Variants in SAPCD2 observed in about 807,000 individuals in gnomAD.
SAPCD2 encodes the protein suppressor APC domain-containing protein 2.
Under a neutral mutation model 37.8 loss-of-function variants are expected in SAPCD2, and 34 were observed. The ratio of observed to expected loss-of-function variants is 0.90; its 90% CI spans 0.68 to 1.20. The LOEUF is 1.20. SAPCD2 is among the 50% of genes most tolerant of loss of function. The pLI, the probability that SAPCD2 is intolerant of heterozygous loss-of-function variation, is 0.00. For synonymous variants in SAPCD2, 275 were observed against 270.3 expected (o/e 1.02, Z -0.17); for missense variants, 572 against 584.7 (o/e 0.98, Z 0.22).
intron 1 of SAPCD2, among the ~76,000 whole-genome samples, 181 bp from the exon 2 acceptor site, chr9:137,066,555 C>T (rs1302092307): frequency 2.0e-5 from 3 of 152,212 alleles, no homozygotes; most frequent in African/African-American, 7.2e-5. Flanking sequence ...CAGCTCCTCA[C>T]ACTGGCTTGG....
chr9:137,064,271 T>G lies in SAPCD2; in HGVS notation c.*388A>C. On this transcript the variant is annotated 3_prime_UTR_variant, in exon 6 of 6. Transcript: ENST00000409687. ...GCCCCGCGCCCTCTGCTGCCCGTTG[T>G]TGGAAGTGCAGCCTGGCGTGGGCAG... The G allele has an allele frequency of 3.9e-6, 1 of 257,070 alleles. No individual in the cohort carries two copies. The highest frequency in any genetic ancestry group is 7.7e-6 in the Non-Finnish European group (1 of 129,934). 15.9% of individuals were successfully genotyped at this position (257,070 alleles called of 1,614,324 possible). A position where few individuals can be genotyped will look rare whatever the true frequency, so the allele number is the denominator to read the frequency against.
Position 137,065,149 on chromosome 9 carries a change from G to C in SAPCD2, c.868C>G (p.Arg290Gly). The C allele has an allele frequency of 6.6e-7, 1 of 1,512,620 alleles. No individual in the cohort carries two copies. Among genetic ancestry groups the C allele is most frequent in the South Asian group, 1.3e-5 (1 of 78,526 alleles). 93.7% of individuals were successfully genotyped at this position (1,512,620 alleles called of 1,614,324 possible). Residue 290 changes from arginine (R) to glycine (G), a missense_variant, in exon 4 of 6, where the codon CGG (arginine) becomes GGG (glycine). By Grantham distance (125) the Arg-to-Gly change is moderately radical (BLOSUM62 -2). Transcript: ENST00000409687. ...ACCTCTTGTACCTTGGGCAGTAGCC[G>C]CCCCAGTGGGCGGGGGCTCCCTGCA... ...GAAGSPRPLG[R>G]LLPKVQEVAR...
chr9:137,067,119 C>T (rs1832556541), intron 1 of SAPCD2, among the ~76,000 whole-genome samples: 1 of 152,148 alleles, frequency 6.6e-6, no homozygotes, highest in South Asian at 2.1e-4. Flanking sequence ...TCCCGAGTAG[C>T]TGGGATTACA....
rs767121219 is a variant in SAPCD2 at position 137,065,150 on chromosome 9, C to A, written c.867G>T (p.Gly289=). The change falls in exon 4 of 6, where the codon GGG becomes GGT. Residue 289 remains glycine, a synonymous_variant. Transcript: ENST00000409687. ...FGAAGSPRPL[G]RLLPKVQEVA... is the part of the protein sequence containing the mutation. The stretch of plus-strand genomic sequence containing the variant: ...CCTCTTGTACCTTGGGCAGTAGCCG[C>A]CCCAGTGGGCGGGGGCTCCCTGCAG... The A allele has an allele frequency of 8.6e-6, 13 of 1,513,092 alleles. No homozygotes were observed. In the Admixed American group the frequency reaches 2.9e-4, roughly 33 times the overall value. 93.7% of individuals were successfully genotyped at this position (1,513,092 alleles called of 1,614,324 possible). A position where few individuals can be genotyped will look rare whatever the true frequency, so the allele number is the denominator to read the frequency against.
Position 137,064,193 on chromosome 9 carries a change from C to A in SAPCD2, c.*466G>T, listed in dbSNP as rs34755670. The stretch of plus-strand genomic sequence containing the variant: ...CCGTCCGTCCGAGCTACAGCCACCT[C>A]GTCCTGGTGCCCTGGTTGAGCGGGA... On this transcript the variant is annotated 3_prime_UTR_variant, in exon 6 of 6. Coordinates refer to ENST00000409687, the MANE Select transcript of SAPCD2 (RefSeq NM_178448.4). 11,415 of 212,194 alleles carry A rather than the reference C, an allele frequency of 0.054. 397 individuals carry two copies. The highest frequency in any genetic ancestry group is 0.082 in the Middle Eastern group (43 of 522). The allele number at this position is 212,194 out of a possible 1,614,324, so 13.1% of individuals were successfully genotyped here.
intron 5 of SAPCD2, 22 bp from the exon 6 acceptor site, chr9:137,064,809 C>T (rs568637335): frequency 6.3e-7 from 1 of 1,588,686 alleles, no homozygotes; most frequent in South Asian, 1.1e-5. Context: ...CACAGTTGGT[C>T]AAGGCCTGCG....
intron 1 of SAPCD2, 35 bp from the exon 2 acceptor site, chr9:137,066,409 A>G (rs776655806): frequency 3.3e-6 from 5 of 1,494,342 alleles, no homozygotes; most frequent in Non-Finnish European, 4.5e-6. Context: ...GCTCACCTCC[A>G]GACCTGCCTG....
intron 2 of SAPCD2, among the ~76,000 whole-genome samples, 160 bp downstream of exon 2, chr9:137,066,102 A>C (rs1421234644): frequency 6.6e-6 from 1 of 152,212 alleles, no homozygotes; most frequent in Non-Finnish European, 1.5e-5. Context: ...ACCCTGGGCC[A>C]TCCCTCCAGG....
In SAPCD2 at chr9:137,064,163, T is replaced by C; in HGVS notation, c.*496A>G. 1 of 189,028 alleles carries C rather than the reference T, an allele frequency of 5.3e-6. No homozygotes were observed. Among genetic ancestry groups the C allele is most frequent in the East Asian group, 1.7e-4 (1 of 5,810 alleles). The allele number at this position is 189,028 out of a possible 1,614,324, so 11.7% of individuals were successfully genotyped here. On this transcript the variant is annotated 3_prime_UTR_variant, in exon 6 of 6. Transcript: ENST00000409687. The stretch of plus-strand genomic sequence containing the variant: ...ACAGGCCGTCCCCACCCCCTCCATC[T>C]ACTTCCGTCCGTCCGAGCTACAGCC...
At position 137,070,369 on chromosome 9, in the gene SAPCD2, C is replaced by T. The variant is rs930119198; in HGVS notation, c.92G>A (p.Ser31Asn). The part of the protein sequence containing the change: ...TEGLPRAFLQ[S>N]LRTLFDILDD... ...CAGGATGTCGAACAGGGTGCGCAGG[C>T]TCTGCAGGAAGGCGCGCGGCAGCCC... Residue 31 changes from serine (S) to asparagine (N), a missense_variant, in exon 1 of 6, where the codon AGC (serine) becomes AAC (asparagine). By Grantham distance (46) the Ser-to-Asn change is conservative. Coordinates refer to ENST00000409687, the MANE Select transcript of SAPCD2 (RefSeq NM_178448.4). The T allele has an allele frequency of 2.1e-6, 3 of 1,433,932 alleles. No individual in the cohort carries two copies. The highest frequency in any genetic ancestry group is 2.7e-5 in the South Asian group (2 of 72,986). 88.8% of individuals were successfully genotyped at this position (1,433,932 alleles called of 1,614,324 possible). A position where few individuals can be genotyped will look rare whatever the true frequency, so the allele number is the denominator to read the frequency against.
intron 1 of SAPCD2, among the ~76,000 whole-genome samples, chr9:137,067,755 A>G (rs1035769096): frequency 1.3e-4 from 17 of 126,548 alleles, no homozygotes; most frequent in East Asian, 1.3e-3. Context: ...AGCCTGGGCG[A>G]CAGAGCAAGA....
chr9:137,066,274 C>T lies in SAPCD2; in HGVS notation c.672G>A (p.Val224=). 6.2e-7 allele frequency: 1 copy of T among 1,604,778 alleles called. No individual in the cohort carries two copies. The highest frequency in any genetic ancestry group is 8.5e-7 in the Non-Finnish European group (1 of 1,177,380). The change falls in exon 2 of 6, where the codon GTG becomes GTA. Residue 224 remains valine (V), a synonymous_variant. Coordinates refer to ENST00000409687, the MANE Select transcript of SAPCD2 (RefSeq NM_178448.4). ...ERRRHTIASG[V]DCGLLKQMKE... ...AGTCCCTGCTCACCAGGCCGCAGTCCACGCCGCTGGCGATGGTGTGCCTCC... is the reference window on the plus strand; with the variant it reads ...AGTCCCTGCTCACCAGGCCGCAGTCTACGCCGCTGGCGATGGTGTGCCTCC...
rs1832548319 is a variant in SAPCD2 at position 137,066,476 on chromosome 9, G to A, written c.572-102C>T. 18 of 875,258 alleles carry A rather than the reference G, an allele frequency of 2.1e-5. No homozygotes were observed. The South Asian group carries it at 2.3e-4, about 11-fold the overall frequency. The allele number at this position is 875,258 out of a possible 1,614,324, so 54.2% of individuals were successfully genotyped here. On this transcript the variant is annotated intron_variant, in intron 1 of 5. Transcript: ENST00000409687. ...CATCTCAGCCCACCCTCGAGGTCTC[G>A]GGCACCAGCCTGGCATGGCCCACGT...
intron 3 of SAPCD2, 71 bp from the exon 4 acceptor site, chr9:137,065,256 G>A (rs1329005769): frequency 8.9e-6 from 10 of 1,120,036 alleles, no homozygotes; most frequent in Non-Finnish European, 1.1e-5. Context: ...CCTTGATAGG[G>A]GTTCCCACAG....
Position 137,064,624 on chromosome 9 carries a change from A to G in SAPCD2, c.*35T>C. 2 of 1,577,714 alleles carry G rather than the reference A, an allele frequency of 1.3e-6. No individual in the cohort carries two copies. The highest frequency in any genetic ancestry group is 1.2e-5 in the South Asian group (1 of 86,452). ...GCCCACCCTCGAAGGGCTGAGTGCC[A>G]GGCTGGCCCTGGGGGCCCACGCGGC... On this transcript the variant is annotated 3_prime_UTR_variant, in exon 6 of 6. Transcript: ENST00000409687.
rs1832480768 is a variant in SAPCD2 at position 137,062,888 on chromosome 9, C to G, written c.*1771G>C. 1 of 152,262 alleles carries G rather than the reference C, an allele frequency of 6.6e-6. No individual in the cohort carries two copies. The highest frequency in any genetic ancestry group is 2.4e-5 in the African/African-American group (1 of 41,472). 9.4% of individuals were successfully genotyped at this position (152,262 alleles called of 1,614,324 possible). Reference sequence around the variant, plus strand: ...GCCAGCCTGTCTCACATTTCCGCTTCAGCTGCGGGGTCCAGCTCTATGTGG... The same window carrying G: ...GCCAGCCTGTCTCACATTTCCGCTTGAGCTGCGGGGTCCAGCTCTATGTGG... On this transcript the variant is annotated 3_prime_UTR_variant, in exon 6 of 6. Transcript: ENST00000409687.
At chr9:137,065,287 T>C (rs1209765187) in intron 3 of SAPCD2, 102 bp from the exon 4 acceptor site, 1 of 967,584 alleles carries the variant, frequency 1.0e-6, no homozygotes, top group Non-Finnish European at 1.5e-6. Context: ...TGCCTCCTGA[T>C]GCTGCAGAGA....
Position 137,070,271 on chromosome 9 carries a change from G to A in SAPCD2, c.190C>T (p.Leu64=). The A allele has an allele frequency of 2.7e-6, 4 of 1,455,220 alleles. No homozygotes were observed. The highest frequency in any genetic ancestry group is 1.3e-5 in the South Asian group (1 of 76,484). The allele number at this position is 1,455,220 out of a possible 1,614,324, so 90.1% of individuals were successfully genotyped here. A position where few individuals can be genotyped will look rare whatever the true frequency, so the allele number is the denominator to read the frequency against. The stretch of plus-strand genomic sequence containing the variant: ...AAGCCCTCCAGCACCCCGCGGGGCA[G>A]CTCCCGCGCGTCGGTGCCCTGCCAG... ...SRWQGTDARE[L]PRGVLEGLRQ... The change falls in exon 1 of 6, where the codon CTG becomes TTG. Residue 64 remains leucine, a synonymous_variant. Transcript: ENST00000409687.
Position 137,062,725 on chromosome 9 carries a change from C to A in SAPCD2, c.*1934G>T, listed in dbSNP as rs1216386166. 6.6e-6 allele frequency: 1 copy of A among 152,260 alleles called. No individual in the cohort carries two copies. Among genetic ancestry groups the A allele is most frequent in the Non-Finnish European group, 1.5e-5 (1 of 68,066 alleles). 9.4% of individuals were successfully genotyped at this position (152,260 alleles called of 1,614,324 possible). ...GCCTCTGCCAGCCACCTAGACCCTG[C>A]CAGCCGGGGCCTTTAAATTCTCCCC... is the stretch of plus-strand genomic sequence containing the variant. On this transcript the variant is annotated 3_prime_UTR_variant, in exon 6 of 6. Transcript: ENST00000409687.
Sources: gnomAD v4.1 joint callset for allele counts (sites outside exome capture counted in the v4.1 genomes callset) on GRCh38, gnomAD v4.1.1 for gene constraint, MANE v1.5 for transcripts, NCBI Gene and HGNC (gene_info 2026-07-23, HGNC 2026-07-21) for gene names.